The following SLC37A1 variants were observed in gnomAD, a reference collection of about 807,000 sequenced individuals.
The protein encoded by SLC37A1 is solute carrier family 37 member 1.
A neutral mutation model predicts 75.3 loss-of-function variants in SLC37A1; 49 were observed. That is an observed-to-expected ratio of 0.65 (90% CI 0.52 to 0.83). SLC37A1 has a LOEUF of 0.83. Among genes scored for constraint, SLC37A1 ranks in the 40% least tolerant of loss-of-function variants. The probability of loss-of-function intolerance (pLI) is 0.00; values close to 1 mark genes in which losing one functional copy is unlikely to be tolerated. For synonymous variants in SLC37A1, 268 were observed against 292.1 expected, an observed-to-expected ratio of 0.92 and a Z score of 0.84; for missense variants, 566 against 695.0, an observed-to-expected ratio of 0.81 and a Z score of 2.09.
intron 3 of SLC37A1, among the ~76,000 whole-genome samples, chr21:42,528,612 G>A (rs1299991550): frequency 6.6e-6 from 1 of 152,100 alleles, no homozygotes; most frequent in Non-Finnish European, 1.5e-5. Flanking sequence ...GATCACCTGA[G>A]GTCAGGAGTT....
intron 1 of SLC37A1, among the ~76,000 whole-genome samples, chr21:42,515,978 C>T (rs374418287): frequency 1.2e-4 from 18 of 152,212 alleles, no homozygotes; most frequent in African/African-American, 4.1e-4. Flanking sequence ...ATGCTGGTCT[C>T]GAACTCCTGG....
chr21:42,530,137 C>T (rs991920505), intron 3 of SLC37A1, among the ~76,000 whole-genome samples: 5 of 152,128 alleles, frequency 3.3e-5, no homozygotes, highest in African/African-American at 1.2e-4. Context: ...ATGTGCAGGT[C>T]CCTAAAAGAA....
At chr21:42,518,613 C>T (rs1415107547) in intron 2 of SLC37A1, 103 bp downstream of exon 2, 3 of 1,293,058 alleles carry the variant, frequency 2.3e-6, no homozygotes, top group Middle Eastern at 1.9e-4. Flanking sequence ...ACACATAAAA[C>T]TTGAATCACT....
At chr21:42,556,997 A>G (rs2055706902) in intron 10 of SLC37A1, among the ~76,000 whole-genome samples, 2 of 152,186 alleles carry the variant, frequency 1.3e-5, no homozygotes, top group Non-Finnish European at 2.9e-5. Flanking sequence ...GCTTTAAACC[A>G]GCCCAGCAAG....
chr21:42,518,346 CTG>C lies in SLC37A1; in HGVS notation c.-106_-105del. The C allele has an allele frequency of 7.1e-7, 1 of 1,405,306 alleles. No individual in the cohort carries two copies. The highest frequency in any genetic ancestry group is 1.0e-6 in the Non-Finnish European group (1 of 993,804). The allele number at this position is 1,405,306 out of a possible 1,614,324, so 87.1% of individuals were successfully genotyped here. A position where few individuals can be genotyped will look rare whatever the true frequency, so the allele number is the denominator to read the frequency against. On this transcript the variant is annotated 5_prime_UTR_variant, in exon 2 of 20. The change creates a premature stop within an existing upstream ORF in the 5' untranslated region. Transcript: ENST00000352133. ...ACACCTTCTTTCCACGCTTTCCAGC[CTG>C]TGGGAGCGGCAGGGGCAACAGAGAG...
intron 11 of SLC37A1, among the ~76,000 whole-genome samples, chr21:42,560,156 T>G (rs1464867834): frequency 6.6e-6 from 1 of 152,114 alleles, no homozygotes; most frequent in East Asian, 1.9e-4. Flanking sequence ...GTAGGGAGAT[T>G]TCTTGCTGCT....
At chr21:42,536,364 G>T (rs150401935) in intron 5 of SLC37A1, among the ~76,000 whole-genome samples, 2 of 152,354 alleles carry the variant, frequency 1.3e-5, no homozygotes, top group African/African-American at 4.8e-5. Context: ...TGCCAGCCCA[G>T]CCCATTCTTG....
intron 11 of SLC37A1, among the ~76,000 whole-genome samples, chr21:42,559,539 G>A (rs1222600141): frequency 6.6e-6 from 1 of 152,230 alleles, no homozygotes; most frequent in African/African-American, 2.4e-5. Flanking sequence ...ACTGAGTGCT[G>A]CGCCGTGGCC....
intron 2 of SLC37A1, 64 bp downstream of exon 2, chr21:42,518,574 T>TA: frequency 6.4e-7 from 1 of 1,556,640 alleles, no homozygotes; most frequent in Non-Finnish European, 8.9e-7. Flanking sequence ...ACTGTGCAGG[T>TA]AGTTGTGTTG....
chr21:42,559,273 T>C (rs924749789), intron 11 of SLC37A1, among the ~76,000 whole-genome samples, 184 bp downstream of exon 11: 8 of 152,228 alleles, frequency 5.3e-5, no homozygotes, highest in African/African-American at 9.6e-5. Context: ...TGCAGTGATA[T>C]TTGTTCGCCT....
At chr21:42,535,624 T>C in intron 5 of SLC37A1, 74 bp downstream of exon 5, 1 of 1,354,502 alleles carries the variant, frequency 7.4e-7, no homozygotes, top group Non-Finnish European at 1.1e-6. Context: ...TCCGCTATGC[T>C]GAAGTGCACA....
intron 16 of SLC37A1, among the ~76,000 whole-genome samples, chr21:42,567,742 C>A (rs1012685937): frequency 6.6e-6 from 1 of 152,128 alleles, no homozygotes; most frequent in Non-Finnish European, 1.5e-5. Flanking sequence ...GGCACTGTTT[C>A]CCCTGATCTT....
At chr21:42,549,417 C>T (rs80018448) in intron 9 of SLC37A1, among the ~76,000 whole-genome samples, 2,389 of 152,296 alleles carry the variant, frequency 0.016, 57 homozygotes, top group African/African-American at 0.054. Flanking sequence ...AAATCCTCTC[C>T]GAGCAGTTCA....
At chr21:42,521,980 G>A (rs549284534) in intron 2 of SLC37A1, among the ~76,000 whole-genome samples, 23 of 152,296 alleles carry the variant, frequency 1.5e-4, no homozygotes, top group African/African-American at 5.1e-4. Context: ...TGCAGGCTCC[G>A]GGGACAGACC....
chr21:42,501,737 A>G (rs1334631895), intron 1 of SLC37A1, among the ~76,000 whole-genome samples: 1 of 152,192 alleles, frequency 6.6e-6, no homozygotes, highest in Non-Finnish European at 1.5e-5. Flanking sequence ...AAAAACAAAA[A>G]CAAAACTATT....
chr21:42,578,136 GAGC>G (rs1484428908), intron 18 of SLC37A1, among the ~76,000 whole-genome samples: 1 of 152,178 alleles, frequency 6.6e-6, no homozygotes, highest in Admixed American at 6.5e-5. Flanking sequence ...TCCATGATCT[GAGC>G]AGGTGTCCTG....
At chr21:42,506,272 C>T (rs960463857) in intron 2 of SLC37A1, among the ~76,000 whole-genome samples, 2 of 152,268 alleles carry the variant, frequency 1.3e-5, no homozygotes, top group African/African-American at 4.8e-5. Flanking sequence ...ATAATCAAAG[C>T]TTAACAGGAT....
intron 17 of SLC37A1, among the ~76,000 whole-genome samples, chr21:42,573,730 A>G (rs1219320977): frequency 1.3e-5 from 2 of 152,156 alleles, no homozygotes; most frequent in East Asian, 3.8e-4. Flanking sequence ...TCAGAGTTGA[A>G]TATGTCAGTT....
chr21:42,551,425 G>A lies in SLC37A1; in HGVS notation c.769-2637G>A, dbSNP rs530149046. ...GCAAACCTAGAGATAGAAAGAAGAT[G>A]AGTGGTTGTCAGGGACTAGGGTGGG... is the stretch of plus-strand genomic sequence containing the variant. On this transcript the variant is annotated intron_variant, in intron 9 of 19. Transcript: ENST00000352133. Among the ~76,000 whole-genome samples the A allele has an allele frequency of 2.6e-5, 4 of 152,332 alleles. No homozygotes were observed. The East Asian group carries it at 5.8e-4, about 22-fold the overall frequency.
Sources: gnomAD v4.1 joint callset for allele counts (sites outside exome capture counted in the v4.1 genomes callset) on GRCh38, gnomAD v4.1.1 for gene constraint, MANE v1.5 for transcripts, NCBI Gene and HGNC (gene_info 2026-07-23, HGNC 2026-07-21) for gene names.